The following DRC11 variants were observed in gnomAD, a reference collection of about 807,000 sequenced individuals.
The protein encoded by DRC11 is dynein regulatory complex subunit 11.
chr2:236,344,846 C>G, the DRC11 span, among the ~76,000 whole-genome samples: 17 of 117,326 alleles, frequency 1.4e-4, no homozygotes, highest in South Asian at 5.7e-4. Context: ...GCTTCCCTCT[C>G]AGGTGTGCAG....
At chr2:236,380,449 A>G in the DRC11 span, 1 of 757,964 alleles carries the variant, frequency 1.3e-6, no homozygotes, top group Non-Finnish European at 2.2e-6. The surrounding 1 kb of genome is among the most constrained non-coding windows in gnomAD (Gnocchi z 4.9). Flanking sequence ...GGCTCCCACC[A>G]CTCCGGGACT....
At chr2:236,450,828 T>C in the DRC11 span, among the ~76,000 whole-genome samples, 4 of 152,356 alleles carry the variant, frequency 2.6e-5, no homozygotes, top group Middle Eastern at 3.4e-3. Context: ...TTTTTCTTTA[T>C]AATAAAGTTG....
At chr2:236,382,041 A>G in the DRC11 span, among the ~76,000 whole-genome samples, 3 of 152,154 alleles carry the variant, frequency 2.0e-5, no homozygotes, top group African/African-American at 7.2e-5. Context: ...AGAACTCTTT[A>G]TCTAGCCTAG....
chr2:236,336,841 C>T, the DRC11 span, among the ~76,000 whole-genome samples: 1 of 152,236 alleles, frequency 6.6e-6, no homozygotes, highest in South Asian at 2.1e-4. This position sits in a 1 kb window ranked among gnomAD's most constrained non-coding sequence, Gnocchi z 7.3. Context: ...CCCGTGTGTC[C>T]TCGGCCTCCC....
the DRC11 span, among the ~76,000 whole-genome samples, chr2:236,417,440 G>A: frequency 2.6e-5 from 4 of 152,078 alleles, no homozygotes; most frequent in African/African-American, 9.7e-5. Context: ...TGAGGAGCAC[G>A]ACTGTGGCTG....
At chr2:236,500,967 G>A in the DRC11 span, among the ~76,000 whole-genome samples, 1 of 152,124 alleles carries the variant, frequency 6.6e-6, no homozygotes, top group South Asian at 2.1e-4. This position sits in a 1 kb window ranked among gnomAD's most constrained non-coding sequence, Gnocchi z 6.3. Context: ...CAAAGTGCTG[G>A]GATTACAGGT....
the DRC11 span, chr2:236,338,381 T>C: frequency 6.3e-7 from 1 of 1,587,008 alleles, no homozygotes; most frequent in Non-Finnish European, 8.5e-7. Flanking sequence ...TTTAGGTTCA[T>C]TCTGGGAGAG....
the DRC11 span, among the ~76,000 whole-genome samples, chr2:236,436,035 AGT>A: frequency 2.6e-5 from 4 of 152,186 alleles, no homozygotes; most frequent in Admixed American, 2.6e-4. Flanking sequence ...AATGTATGAG[AGT>A]GACTTTTTCC....
chr2:236,420,763 T>C, the DRC11 span, among the ~76,000 whole-genome samples: 2 of 152,058 alleles, frequency 1.3e-5, no homozygotes, highest in African/African-American at 4.8e-5. This position sits in a 1 kb window ranked among gnomAD's most constrained non-coding sequence, Gnocchi z 4.8. Flanking sequence ...TGAGCTATGA[T>C]CCAGCCACTG....
chr2:236,357,363 T>G, the DRC11 span, among the ~76,000 whole-genome samples: 1 of 118,056 alleles, frequency 8.5e-6, no homozygotes, highest in Non-Finnish European at 1.6e-5. Context: ...GTATATATAT[T>G]ATAAATATAT....
At chr2:236,467,745 C>G in the DRC11 span, among the ~76,000 whole-genome samples, 1 of 152,084 alleles carries the variant, frequency 6.6e-6, no homozygotes, top group East Asian at 1.9e-4. Context: ...CATTCAAGAC[C>G]CTGTTTAGAA....
the DRC11 span, among the ~76,000 whole-genome samples, chr2:236,431,709 C>T: frequency 3.9e-3 from 592 of 152,278 alleles, 5 homozygotes; most frequent in African/African-American, 0.013. The surrounding 1 kb of genome is among the most constrained non-coding windows in gnomAD (Gnocchi z 4.2). Context: ...CATAATGTTT[C>T]AGTATGGCAT....
chr2:236,368,323 G>C, the DRC11 span: 10 of 1,440,072 alleles, frequency 6.9e-6, no homozygotes, highest in Non-Finnish European at 8.7e-6. Context: ...AGAAACAGAG[G>C]AACAATAAAT....
the DRC11 span, among the ~76,000 whole-genome samples, chr2:236,322,051 C>CA: frequency 1.3e-5 from 2 of 152,030 alleles, no homozygotes; most frequent in African/African-American, 4.8e-5. Context: ...ATAAGTGAGG[C>CA]AAAAAGACAC....
At chr2:236,363,635 C>T in the DRC11 span, 26 of 678,618 alleles carry the variant, frequency 3.8e-5, no homozygotes, top group African/African-American at 7.2e-5. The surrounding 1 kb of genome is among the most constrained non-coding windows in gnomAD (Gnocchi z 5.6). Flanking sequence ...TTTGGCCATA[C>T]GCAATAATGA....
the DRC11 span, among the ~76,000 whole-genome samples, chr2:236,358,147 A>T: frequency 1.6e-5 from 2 of 124,138 alleles, no homozygotes; most frequent in Non-Finnish European, 3.1e-5. Context: ...ATATATAAAT[A>T]GATATATACT....
At chr2:236,397,239 C>T in the DRC11 span, among the ~76,000 whole-genome samples, 2 of 152,228 alleles carry the variant, frequency 1.3e-5, no homozygotes, top group Non-Finnish European at 2.9e-5. The surrounding 1 kb of genome is among the most constrained non-coding windows in gnomAD (Gnocchi z 5.0). Context: ...CAGACATGAG[C>T]CCCTGACTTC....
At chr2:236,355,463 G>A in the DRC11 span, among the ~76,000 whole-genome samples, 10 of 152,206 alleles carry the variant, frequency 6.6e-5, no homozygotes, top group East Asian at 5.8e-4. Context: ...GCGTCCGCAC[G>A]CAGTGGAAGG....
chr2:236,381,146 G>T, the DRC11 span, among the ~76,000 whole-genome samples: 12 of 152,214 alleles, frequency 7.9e-5, no homozygotes, highest in African/African-American at 2.6e-4. The surrounding 1 kb of genome is among the most constrained non-coding windows in gnomAD (Gnocchi z 5.8). Context: ...TTGTTCACCC[G>T]TTCCACCATA....
Sources: allele counts gnomAD v4.1 joint callset (sites outside exome capture counted in the v4.1 genomes callset), GRCh38; gene constraint gnomAD v4.1.1; non-coding constraint Gnocchi (gnomAD v3.1); transcripts MANE v1.5; gene names NCBI Gene and HGNC (gene_info 2026-07-23, HGNC 2026-07-21).